Variants in PPP6R3 observed in about 807,000 individuals in gnomAD.
PPP6R3 encodes the protein protein phosphatase 6 regulatory subunit 3.
In PPP6R3, 38 loss-of-function variants were observed where a neutral mutation model predicts 110.7. The ratio of observed to expected loss-of-function variants is 0.34; its 90% CI spans 0.26 to 0.45. PPP6R3 has a LOEUF of 0.45. Ranked by LOEUF, PPP6R3 falls within the 20% of genes least tolerant of loss-of-function variation. PPP6R3 has a pLI of 1.00. For synonymous variants in PPP6R3, 369 were observed against 373.5 expected, an observed-to-expected ratio of 0.99 and a Z score of 0.14; for missense variants, 870 against 1,062.4, an observed-to-expected ratio of 0.82 and a Z score of 2.52.
rs1008497618 is a variant in PPP6R3 at position 68,603,270 on chromosome 11, G to T, written c.2300-72G>T. On this transcript the variant is annotated intron_variant, in intron 21 of 23. Transcript: ENST00000393800. ...AGTAGATGTCACGTTGGGTAGATGG[G>T]TTTGTACAGTGGTGGGGTGCCAGTT... is the stretch of plus-strand genomic sequence containing the variant. The T allele has an allele frequency of 3.2e-6, 5 of 1,584,776 alleles. No homozygotes were observed. The Admixed American group carries it at 5.2e-5, about 17-fold the overall frequency.
chr11:68,545,916 G>C, intron 4 of PPP6R3, among the ~76,000 whole-genome samples: 1 of 152,230 alleles, frequency 6.6e-6, no homozygotes, highest in Non-Finnish European at 1.5e-5. Context: ...AGAATTGCAA[G>C]TATAGGTGTG....
intron 22 of PPP6R3, among the ~76,000 whole-genome samples, chr11:68,608,191 C>CA: frequency 6.6e-6 from 1 of 152,122 alleles, no homozygotes; most frequent in East Asian, 1.9e-4. Context: ...GCTAAATCAA[C>CA]AAGAGACTGA....
chr11:68,472,325 A>G (rs918590076), intron 1 of PPP6R3, among the ~76,000 whole-genome samples: 1 of 152,144 alleles, frequency 6.6e-6, no homozygotes, highest in African/African-American at 2.4e-5. Context: ...TGCAGACTGA[A>G]TATGTCTCAT....
chr11:68,610,114 T>TAC (rs1942650772), intron 23 of PPP6R3, 91 bp downstream of exon 23: 1 of 1,521,230 alleles, frequency 6.6e-7, no homozygotes, highest in Admixed American at 2.0e-5. Context: ...AGGGATCGTT[T>TAC]ACAGCTGTGC....
intron 19 of PPP6R3, among the ~76,000 whole-genome samples, chr11:68,598,051 C>T (rs962976463): frequency 6.6e-6 from 1 of 152,006 alleles, no homozygotes; most frequent in African/African-American, 2.4e-5. Flanking sequence ...CTTTTTCATC[C>T]TAAACTAAAA....
At chr11:68,603,161 C>G (rs947100516) in intron 21 of PPP6R3, among the ~76,000 whole-genome samples, 181 bp from the exon 22 acceptor site, 2 of 151,962 alleles carry the variant, frequency 1.3e-5, no homozygotes, top group African/African-American at 4.8e-5. Context: ...CTTTAGTGGG[C>G]ATCTTTAAGA....
intron 1 of PPP6R3, among the ~76,000 whole-genome samples, chr11:68,478,910 C>G (rs1461215483): frequency 6.6e-6 from 1 of 152,048 alleles, no homozygotes; most frequent in African/African-American, 2.4e-5. Flanking sequence ...CCTGCCTCAG[C>G]CTCCCAGAGT....
rs1047937821 is a variant in PPP6R3, at chr11:68,609,770, G to A, written c.2451-134G>A. On this transcript the variant is annotated intron_variant, in intron 22 of 23. Transcript: ENST00000393800. ...GTGGTTGTGTGATCGTGCACCCTGCGCATGCTCAGTCCCAGGATGCTTTGC... is the reference window on the plus strand; with the variant it reads ...GTGGTTGTGTGATCGTGCACCCTGCACATGCTCAGTCCCAGGATGCTTTGC... 7 of 1,548,444 alleles carry A rather than the reference G, an allele frequency of 4.5e-6. No homozygotes were observed. The African/African-American group carries it at 6.8e-5, about 15-fold the overall frequency.
chr11:68,499,647 C>T (rs2099037622), intron 1 of PPP6R3, among the ~76,000 whole-genome samples: 1 of 152,174 alleles, frequency 6.6e-6, no homozygotes. Context: ...TAGCTCACTG[C>T]AGCCTTGACC....
chr11:68,575,894 A>T, intron 13 of PPP6R3, 64 bp from the exon 14 acceptor site: 1 of 1,235,254 alleles, frequency 8.1e-7, no homozygotes, highest in Non-Finnish European at 1.2e-6. Flanking sequence ...TTACCTGCTT[A>T]CTTTATTTGT....
At chr11:68,568,137 A>G (rs2099486386) in intron 10 of PPP6R3, among the ~76,000 whole-genome samples, 1 of 152,068 alleles carries the variant, frequency 6.6e-6, no homozygotes, top group South Asian at 2.1e-4. Flanking sequence ...ATCAGTATAG[A>G]GCACAGAAAA....
intron 22 of PPP6R3, 21 bp downstream of exon 22, chr11:68,603,513 G>A: frequency 6.2e-7 from 1 of 1,613,852 alleles, no homozygotes; most frequent in East Asian, 2.2e-5. Flanking sequence ...GTGAGATCCT[G>A]CTGGTAGCTT....
Position 68,519,544 on chromosome 11 carries a change from C to T in PPP6R3, c.-114C>T, listed in dbSNP as rs147540088. Reference sequence around the variant, plus strand: ...CATATCCCACTGTATTCCTGCTAATCTGCTAATGCAGTAAATTGGAGGAAA... The same window carrying T: ...CATATCCCACTGTATTCCTGCTAATTTGCTAATGCAGTAAATTGGAGGAAA... On this transcript the variant is annotated 5_prime_UTR_variant, in exon 2 of 24. Transcript: ENST00000393800. The T allele has an allele frequency of 2.5e-5, 10 of 398,388 alleles. No homozygotes were observed. The highest frequency in any genetic ancestry group is 2.1e-4 in the African/African-American group (10 of 48,706). The allele number at this position is 398,388 out of a possible 1,614,324, so 24.7% of individuals were successfully genotyped here. A position where few individuals can be genotyped will look rare whatever the true frequency, so the allele number is the denominator to read the frequency against.
At chr11:68,580,180 G>A (rs2099547959) in intron 14 of PPP6R3, among the ~76,000 whole-genome samples, 1 of 152,142 alleles carries the variant, frequency 6.6e-6, no homozygotes, top group Non-Finnish European at 1.5e-5. Flanking sequence ...GGACTTGCAT[G>A]TTGTCCCGTG....
At chr11:68,522,081 G>A (rs561584050) in intron 2 of PPP6R3, among the ~76,000 whole-genome samples, 2 of 152,338 alleles carry the variant, frequency 1.3e-5, no homozygotes, top group East Asian at 3.9e-4. Flanking sequence ...GAAGGCATAT[G>A]TAGAATTCTC....
intron 1 of PPP6R3, among the ~76,000 whole-genome samples, chr11:68,477,302 T>G (rs2098839373): frequency 6.6e-6 from 1 of 152,096 alleles, no homozygotes; most frequent in Admixed American, 6.6e-5. Flanking sequence ...TAGTCTGACT[T>G]AGGATTTTTC....
intron 21 of PPP6R3, among the ~76,000 whole-genome samples, chr11:68,602,590 C>G (rs79688052): frequency 6.8e-4 from 103 of 152,232 alleles, no homozygotes; most frequent in African/African-American, 2.4e-3. Context: ...GGAGTGAGTT[C>G]TTAGAAAATG....
intron 9 of PPP6R3, among the ~76,000 whole-genome samples, chr11:68,566,484 C>G (rs560132203): frequency 6.6e-6 from 1 of 152,232 alleles, no homozygotes; most frequent in East Asian, 1.9e-4. Flanking sequence ...CCTCATCTTC[C>G]TGAGTAACTG....
chr11:68,482,039 A>G (rs1185244666), intron 1 of PPP6R3, among the ~76,000 whole-genome samples: 2 of 151,644 alleles, frequency 1.3e-5, no homozygotes, highest in African/African-American at 2.4e-5. Context: ...AAATTATCTC[A>G]CCTTTCTAAG....
Sources: allele counts gnomAD v4.1 joint callset (sites outside exome capture counted in the v4.1 genomes callset), GRCh38; gene constraint gnomAD v4.1.1; transcripts MANE v1.5; gene names NCBI Gene and HGNC (gene_info 2026-07-23, HGNC 2026-07-21).